DOCK3: variants seen among roughly 807,000 people sequenced by gnomAD.
DOCK3 encodes the protein dedicator of cytokinesis protein 3.
Under a neutral mutation model 265.6 loss-of-function variants are expected in DOCK3, and 60 were observed. The observed-to-expected ratio is 0.23, with a 90% CI of 0.18 to 0.28. The LOEUF (loss-of-function observed/expected upper bound fraction) is 0.28, where lower values mean the gene tolerates loss of function less well. Ranked by LOEUF, DOCK3 falls within the 10% of genes least tolerant of loss-of-function variation. The pLI is 1.00. For synonymous variants in DOCK3, 881 were observed against 938.0 expected, an observed-to-expected ratio of 0.94 and a Z score of 1.11; for missense variants, 1,981 against 2,594.3, an observed-to-expected ratio of 0.76 and a Z score of 5.14.
rs1466340215 is a variant in DOCK3, at chr3:51,016,607, TA to T, written c.316-47840del. Among the ~76,000 whole-genome samples, 34 of 71,338 alleles carry T rather than the reference TA, an allele frequency of 4.8e-4. 1 individual carries two copies. Among genetic ancestry groups the T allele is most frequent in the African/African-American group, 2.1e-3 (31 of 14,708 alleles). 46.8% of individuals were successfully genotyped at this position (71,338 alleles called of 152,430 possible). ...TATCATATATTATATATGATATATATATTATATATTTATATATATAATATAT... is the reference window on the plus strand; with the variant it reads ...TATCATATATTATATATGATATATATTTATATATTTATATATATAATATAT... On this transcript the variant is annotated intron_variant, in intron 5 of 52. Coordinates refer to ENST00000266037, the MANE Select transcript of DOCK3 (RefSeq NM_004947.5).
At chr3:51,190,932 A>C (rs1281384056) in intron 12 of DOCK3, among the ~76,000 whole-genome samples, 1 of 152,130 alleles carries the variant, frequency 6.6e-6, no homozygotes, top group Non-Finnish European at 1.5e-5. Flanking sequence ...CCACTGAGGT[A>C]ATGTTCCATG....
chr3:51,126,779 T>A (rs1420400143), intron 9 of DOCK3, among the ~76,000 whole-genome samples: 1 of 152,132 alleles, frequency 6.6e-6, no homozygotes, highest in Non-Finnish European at 1.5e-5. Flanking sequence ...TTTTTAACAT[T>A]TAAGTTTAGG....
chr3:50,921,714 T>C (rs931943604), intron 4 of DOCK3, among the ~76,000 whole-genome samples: 2 of 152,202 alleles, frequency 1.3e-5, no homozygotes, highest in Admixed American at 6.5e-5. Flanking sequence ...TTGATGATGG[T>C]GACATACAGC....
Position 51,333,189 on chromosome 3 carries a change from C to T in DOCK3, c.3547C>T (p.Arg1183Cys), listed in dbSNP as rs2084642148. ...LLEKVEQETW[R>C]ETGISFVTSV... ...GGAGAAGGTTGAACAAGAAACATGG[C>T]GCGAGACCGGCATTTCCTTTGTGAC... The change falls in exon 35 of 53, where the codon CGC (arginine) becomes TGC (cysteine). Residue 1183 changes from arginine (R) to cysteine (C), a missense_variant. Around this residue, in one of 4 missense-constraint regions of DOCK3, gnomAD observed 1,357 missense variants for 1,866.8 expected, o/e 0.73. Coordinates refer to ENST00000266037, the MANE Select transcript of DOCK3 (RefSeq NM_004947.5). The T allele has an allele frequency of 3.7e-6, 6 of 1,613,796 alleles. No homozygotes were observed. The highest frequency in any genetic ancestry group is 3.3e-5 in the South Asian group (3 of 91,080).
intron 22 of DOCK3, among the ~76,000 whole-genome samples, chr3:51,254,432 A>G (rs917905572): frequency 3.9e-5 from 6 of 151,944 alleles, no homozygotes; most frequent in Admixed American, 6.6e-5. Context: ...TGTTAACTTT[A>G]TGTCTCGTTG....
intron 5 of DOCK3, among the ~76,000 whole-genome samples, chr3:50,965,914 G>T (rs941612279): frequency 1.3e-5 from 2 of 152,028 alleles, no homozygotes; most frequent in Non-Finnish European, 2.9e-5. Context: ...CACATGTTGT[G>T]CATTAGATCC....
chr3:50,749,988 T>A (rs975103990), intron 1 of DOCK3, among the ~76,000 whole-genome samples: 1 of 152,178 alleles, frequency 6.6e-6, no homozygotes, highest in African/African-American at 2.4e-5. Flanking sequence ...TACCAATCTG[T>A]GGCCTGTTAG....
chr3:50,831,970 C>G (rs534543826), intron 2 of DOCK3, among the ~76,000 whole-genome samples: 1 of 152,176 alleles, frequency 6.6e-6, no homozygotes. Context: ...TTGCATTTCT[C>G]TAATGACCAG....
intron 4 of DOCK3, among the ~76,000 whole-genome samples, chr3:50,920,285 A>T (rs958838596): frequency 1.3e-5 from 2 of 152,074 alleles, no homozygotes; most frequent in Non-Finnish European, 2.9e-5. Flanking sequence ...AGAGGATTCC[A>T]TCTTTTTCTG....
At chr3:50,738,332 G>A (rs1306062751) in intron 1 of DOCK3, among the ~76,000 whole-genome samples, 1 of 152,168 alleles carries the variant, frequency 6.6e-6, no homozygotes. Context: ...TGAAAGAACA[G>A]CTTGGAGCCC....
At chr3:51,340,080 G>A (rs2085139940) in intron 37 of DOCK3, among the ~76,000 whole-genome samples, 1 of 152,172 alleles carries the variant, frequency 6.6e-6, no homozygotes, top group Non-Finnish European at 1.5e-5. Context: ...TTGCACCCAT[G>A]ATCCCAGCAA....
At chr3:51,324,626 A>G (rs2083969163) in intron 32 of DOCK3, among the ~76,000 whole-genome samples, 1 of 152,230 alleles carries the variant, frequency 6.6e-6, no homozygotes, top group Non-Finnish European at 1.5e-5. Context: ...TTAGGCAAAA[A>G]GAACAAAGCT....
chr3:51,126,633 T>G (rs1302157719), intron 9 of DOCK3, among the ~76,000 whole-genome samples: 2 of 152,188 alleles, frequency 1.3e-5, no homozygotes, highest in Non-Finnish European at 2.9e-5. Context: ...CATTTATTCA[T>G]CTACATGCTT....
At position 50,869,342 on chromosome 3, in the gene DOCK3, A is replaced by ATT. The variant is rs755531254; in HGVS notation, c.163-20637_163-20636dup. On this transcript the variant is annotated intron_variant, in intron 3 of 52. Transcript: ENST00000266037. Reference sequence around the variant, plus strand: ...TCAATTTTATTTATTTCTGCTGGGAATTTTTTTTTTTTTTTTTTTTTTTTT... The same window carrying ATT: ...TCAATTTTATTTATTTCTGCTGGGAATTTTTTTTTTTTTTTTTTTTTTTTTTT... 1.0e-4 allele frequency among the ~76,000 whole-genome samples: 7 copies of ATT among 70,106 alleles called. 3 individuals carry two copies. The highest frequency in any genetic ancestry group is 1.3e-4 in the African/African-American group (2 of 15,142). The allele number at this position is 70,106 out of a possible 152,430, so 46.0% of individuals were successfully genotyped here.
At chr3:51,237,671 A>C in intron 21 of DOCK3, 81 bp downstream of exon 21, 1 of 1,248,266 alleles carries the variant, frequency 8.0e-7, no homozygotes, top group Middle Eastern at 1.9e-4. Flanking sequence ...TGCAACCAGC[A>C]TTTAAAAAGT....
At chr3:51,108,638 G>T (rs1202548016) in intron 9 of DOCK3, among the ~76,000 whole-genome samples, 1 of 152,170 alleles carries the variant, frequency 6.6e-6, no homozygotes, top group Non-Finnish European at 1.5e-5. Flanking sequence ...GTCTTCAAGA[G>T]ACCCATCTCA....
intron 12 of DOCK3, among the ~76,000 whole-genome samples, chr3:51,194,239 A>G (rs2088132171): frequency 6.6e-6 from 1 of 151,862 alleles, no homozygotes; most frequent in Admixed American, 6.6e-5. Context: ...TTTGATTTCT[A>G]GTTTTATTCC....
intron 5 of DOCK3, among the ~76,000 whole-genome samples, chr3:51,033,305 A>G (rs925133987): frequency 1.3e-5 from 2 of 152,230 alleles, no homozygotes; most frequent in African/African-American, 2.4e-5. Context: ...AGCAGATGTT[A>G]CTTCTTCAGC....
At chr3:51,309,596 G>A (rs533014418) in intron 27 of DOCK3, among the ~76,000 whole-genome samples, 10 of 151,898 alleles carry the variant, frequency 6.6e-5, no homozygotes, top group East Asian at 5.9e-4. Flanking sequence ...GAGGGAGACC[G>A]TGGGGAGAGG....
Sources: allele counts gnomAD v4.1 joint callset (sites outside exome capture counted in the v4.1 genomes callset), GRCh38; gene constraint gnomAD v4.1.1; regional missense constraint gnomAD v4.1.1; transcripts MANE v1.5; gene names NCBI Gene and HGNC (gene_info 2026-07-23, HGNC 2026-07-21).